Variants in RNF150 observed in about 807,000 individuals in gnomAD.
The protein encoded by RNF150 is ring finger protein 150.
RNF150 carries 24 observed loss-of-function variants against 39.3 expected under a neutral mutation model. The observed-to-expected ratio is 0.61, with a 90% CI of 0.44 to 0.86. The LOEUF (loss-of-function observed/expected upper bound fraction) is 0.86, where lower values mean the gene tolerates loss of function less well. RNF150 is among the 40% of genes least tolerant of loss of function. The pLI is 0.00. For synonymous variants in RNF150, 255 were observed against 227.3 expected (o/e 1.12, Z -1.10); for missense variants, 502 against 587.8 (o/e 0.85, Z 1.51).
intron 1 of RNF150, among the ~76,000 whole-genome samples, chr4:141,160,880 A>C (rs140721319): frequency 3.3e-5 from 5 of 152,332 alleles, no homozygotes; most frequent in African/African-American, 4.8e-5. Context: ...TAAGCCAATT[A>C]AGCCTCTTTT....
intron 6 of RNF150, among the ~76,000 whole-genome samples, chr4:140,884,741 G>A (rs559764155): frequency 9.2e-5 from 14 of 152,080 alleles, no homozygotes; most frequent in African/African-American, 2.9e-4. Flanking sequence ...CTTAGATTTC[G>A]GGAAGACAGA....
intron 2 of RNF150, among the ~76,000 whole-genome samples, chr4:140,953,345 T>C (rs1560984157): frequency 6.6e-6 from 1 of 152,214 alleles, no homozygotes; most frequent in East Asian, 1.9e-4. Flanking sequence ...CTGCATGTTA[T>C]TGATAAATGA....
chr4:140,937,606 T>C (rs910111454), intron 4 of RNF150, among the ~76,000 whole-genome samples: 4 of 152,046 alleles, frequency 2.6e-5, no homozygotes, highest in African/African-American at 9.7e-5. Flanking sequence ...ATGTTTTTTA[T>C]TGCTGAATGA....
intron 4 of RNF150, among the ~76,000 whole-genome samples, chr4:140,930,676 T>C (rs1731592661): frequency 6.6e-6 from 1 of 152,222 alleles, no homozygotes; most frequent in Non-Finnish European, 1.5e-5. Context: ...CTCATCATCA[T>C]TTTCTCTGTG....
rs920933141 is a variant in RNF150 at position 141,132,982 on chromosome 4, C to A, written c.-174G>T. On this transcript the variant is annotated 5_prime_UTR_variant, in exon 1 of 7. Transcript: ENST00000515673. This position sits in a 1 kb window ranked among gnomAD's most constrained non-coding sequence, Gnocchi z 4.9. ...CCGCGGGGACCGGATTCCGGGCGAG[C>A]GGATGGCGCTGGCCCCTTCCCCTCT... The A allele has an allele frequency of 7.1e-6, 4 of 564,878 alleles. No homozygotes were observed. The highest frequency in any genetic ancestry group is 1.2e-5 in the Non-Finnish European group (4 of 329,526). 35.0% of individuals were successfully genotyped at this position (564,878 alleles called of 1,614,324 possible).
At chr4:141,068,226 T>C (rs1048455604) in intron 1 of RNF150, among the ~76,000 whole-genome samples, 7 of 152,234 alleles carry the variant, frequency 4.6e-5, no homozygotes, top group Non-Finnish European at 7.3e-5. Flanking sequence ...ATTACAGGCA[T>C]GAGCCACCAT....
chr4:141,199,120 A>T (rs995514051), intron 1 of RNF150, among the ~76,000 whole-genome samples: 13 of 152,232 alleles, frequency 8.5e-5, no homozygotes, highest in African/African-American at 2.9e-4. Context: ...ACTTGAAAAG[A>T]TGCTCAACAT....
chr4:140,906,149 A>T (rs912204577), intron 6 of RNF150, among the ~76,000 whole-genome samples: 23 of 152,246 alleles, frequency 1.5e-4, no homozygotes, highest in African/African-American at 5.1e-4. Flanking sequence ...AGGTAGAAAA[A>T]TCTTGGGCCT....
chr4:140,989,410 T>C (rs989182799), intron 1 of RNF150, among the ~76,000 whole-genome samples: 1 of 152,084 alleles, frequency 6.6e-6, no homozygotes, highest in African/African-American at 2.4e-5. Flanking sequence ...GTACTACTTC[T>C]GGGAGCTGGC....
At chr4:140,954,162 G>C (rs1379435934) in intron 2 of RNF150, among the ~76,000 whole-genome samples, 1 of 152,108 alleles carries the variant, frequency 6.6e-6, no homozygotes, top group Non-Finnish European at 1.5e-5. Flanking sequence ...CTTTTCTCTA[G>C]GGTGCTCCTA....
intron 1 of RNF150, among the ~76,000 whole-genome samples, chr4:141,071,737 G>A (rs1001936458): frequency 6.6e-6 from 1 of 152,052 alleles, no homozygotes; most frequent in Admixed American, 6.6e-5. Context: ...CACACTTTTG[G>A]GAAGCACAGA....
At chr4:141,126,095 T>TACATACACACAC (rs1553949391) in intron 1 of RNF150, among the ~76,000 whole-genome samples, 1 of 150,098 alleles carries the variant, frequency 6.7e-6, no homozygotes, top group Non-Finnish European at 1.5e-5. Flanking sequence ...AATAAATACA[T>TACATACACACAC]ACACACACAC....
chr4:140,923,800 G>T (rs1731264440), intron 5 of RNF150, among the ~76,000 whole-genome samples: 1 of 152,196 alleles, frequency 6.6e-6, no homozygotes, highest in Non-Finnish European at 1.5e-5. Context: ...CATAAAAAAT[G>T]ATGAGCTCAT....
intron 1 of RNF150, among the ~76,000 whole-genome samples, chr4:141,152,318 G>A (rs1241768884): frequency 6.6e-6 from 1 of 152,160 alleles, no homozygotes; most frequent in African/African-American, 2.4e-5. Flanking sequence ...AAAAGAAAAT[G>A]TAAGCATTCC....
At chr4:140,970,955 T>C (rs550220355) in intron 1 of RNF150, among the ~76,000 whole-genome samples, 4 of 152,254 alleles carry the variant, frequency 2.6e-5, no homozygotes, top group Admixed American at 1.3e-4. Flanking sequence ...TGAAAAGTGA[T>C]ACTAGGGATA....
At chr4:141,026,415 G>A (rs1024292362) in intron 1 of RNF150, among the ~76,000 whole-genome samples, 27 of 152,204 alleles carry the variant, frequency 1.8e-4, no homozygotes, top group African/African-American at 6.0e-4. Context: ...TATAATGTGA[G>A]GCACAAGTTA....
At chr4:140,946,487 T>C (rs1186072413) in intron 4 of RNF150, among the ~76,000 whole-genome samples, 2 of 152,174 alleles carry the variant, frequency 1.3e-5, no homozygotes, top group Non-Finnish European at 2.9e-5. Context: ...ATTTTTTTTT[T>C]CTTTGAGACA....
intron 4 of RNF150, among the ~76,000 whole-genome samples, chr4:140,947,273 T>G (rs975001191): frequency 1.3e-5 from 2 of 152,140 alleles, no homozygotes; most frequent in African/African-American, 4.8e-5. Flanking sequence ...CACAAAATAT[T>G]TTTCAGAGTT....
chr4:141,119,840 A>G (rs1388315936), intron 1 of RNF150, among the ~76,000 whole-genome samples: 1 of 152,246 alleles, frequency 6.6e-6, no homozygotes, highest in Non-Finnish European at 1.5e-5. Flanking sequence ...GTTAGCGAGT[A>G]GATGAATCTC....
Sources: gnomAD v4.1 joint callset for allele counts (sites outside exome capture counted in the v4.1 genomes callset) on GRCh38, gnomAD v4.1.1 for gene constraint, Gnocchi (gnomAD v3.1) non-coding constraint, MANE v1.5 for transcripts, NCBI Gene and HGNC (gene_info 2026-07-23, HGNC 2026-07-21) for gene names.